HPF1: variants seen among roughly 807,000 people sequenced by gnomAD.
HPF1 encodes the protein histone PARylation factor 1.
HPF1 carries 35 observed loss-of-function variants against 38.8 expected under a neutral mutation model. That is an observed-to-expected ratio of 0.90 (90% CI 0.69 to 1.19). HPF1 has a LOEUF of 1.19. HPF1 is among the 50% of genes most tolerant of loss of function. HPF1 has a pLI of 0.00. For missense variants in HPF1, 367 were observed against 405.8 expected (o/e 0.90, Z 0.82); for synonymous variants, 115 against 139.2 (o/e 0.83, Z 1.22).
In HPF1 at chr4:169,741,987, T is replaced by TA. The variant is rs773699250; in HGVS notation, c.617_618insT (p.Arg206SerfsTer10). The stretch of plus-strand genomic sequence containing the variant: ...TATCTCTCTGTTTCATCTTCACGGT[T>TA]CTCTGTTCAAGCGAGTACCCCAATT... On this transcript the variant is annotated frameshift_variant, in exon 5 of 8. Transcript: ENST00000393381. LOFTEE classifies it high-confidence loss of function. 6.2e-6 allele frequency: 10 copies of TA among 1,613,614 alleles called. No homozygotes were observed. In the South Asian group the frequency reaches 1.1e-4, roughly 18 times the overall value.
chr4:169,731,949 T>C (rs1581311499), intron 6 of HPF1, 73 bp from the exon 7 acceptor site: 1 of 1,290,000 alleles, frequency 7.8e-7, no homozygotes. Context: ...AGTAAGAAGA[T>C]TATAAAGAGG....
At chr4:169,757,015 G>T (rs1013422170) in intron 1 of HPF1, among the ~76,000 whole-genome samples, 1 of 152,204 alleles carries the variant, frequency 6.6e-6, no homozygotes, top group East Asian at 1.9e-4. Context: ...CACCCTGTCC[G>T]ATTTATGACA....
At chr4:169,741,516 T>G (rs569647506) in intron 5 of HPF1, among the ~76,000 whole-genome samples, 2 of 152,288 alleles carry the variant, frequency 1.3e-5, no homozygotes, top group East Asian at 3.9e-4. Flanking sequence ...TCCCCTCATA[T>G]TGCAGACATT....
At chr4:169,746,659 G>T (rs1734051110) in intron 4 of HPF1, among the ~76,000 whole-genome samples, 1 of 151,908 alleles carries the variant, frequency 6.6e-6, no homozygotes, top group South Asian at 2.1e-4. Flanking sequence ...TATTCAGTCT[G>T]CCATAAAAAT....
At chr4:169,746,985 C>CT (rs372582807) in intron 4 of HPF1, among the ~76,000 whole-genome samples, 212 of 48,200 alleles carry the variant, frequency 4.4e-3, no homozygotes, top group African/African-American at 0.012. Context: ...ATTATGTTAT[C>CT]TTTTTTTAAA....
rs1281761364 is a variant in HPF1, at chr4:169,741,365, G to A, written c.648+592C>T. 5.9e-5 allele frequency among the ~76,000 whole-genome samples: 9 copies of A among 152,078 alleles called. No homozygotes were observed. In the East Asian group the frequency reaches 1.7e-3, roughly 29 times the overall value. On this transcript the variant is annotated intron_variant, in intron 5 of 7. Transcript: ENST00000393381. ...TTTTGTTTTTGTTTTTTCCCCAGAG[G>A]CCATAAGAACAAACTCCTATAGAAT...
intron 7 of HPF1, among the ~76,000 whole-genome samples, chr4:169,729,914 A>C (rs1733807777): frequency 6.6e-6 from 1 of 152,298 alleles, no homozygotes; most frequent in Non-Finnish European, 1.5e-5. Context: ...GACTAATGGC[A>C]TATCTTGAAA....
At chr4:169,736,208 G>A (rs960752247) in intron 6 of HPF1, among the ~76,000 whole-genome samples, 21 of 151,598 alleles carry the variant, frequency 1.4e-4, no homozygotes, top group East Asian at 5.8e-4. Flanking sequence ...GTGAGACCCC[G>A]TCTCTACAGG....
rs1260872525 is a variant in HPF1, at chr4:169,750,706, A to G, written c.228T>C (p.Leu76=). 6.2e-7 allele frequency: 1 copy of G among 1,607,978 alleles called. No individual in the cohort carries two copies. The highest frequency in any genetic ancestry group is 1.7e-5 in the Admixed American group (1 of 58,984). The change falls in exon 3 of 8, where the codon CTT becomes CTC. Residue 76 remains leucine (L), a synonymous_variant. Transcript: ENST00000393381. ...EKPSDSLSAS[L]GLQLVGPYDI... Reference sequence around the variant, plus strand: ...CATAAGGACCAACTAATTGAAGTCCAAGGCTTGCAGAAAGTGAATCTATAA... The same window carrying G: ...CATAAGGACCAACTAATTGAAGTCCGAGGCTTGCAGAAAGTGAATCTATAA...
chr4:169,736,779 G>C (rs1424741697), intron 6 of HPF1, among the ~76,000 whole-genome samples: 1 of 152,134 alleles, frequency 6.6e-6, no homozygotes, highest in Admixed American at 6.5e-5. Flanking sequence ...CCCCAGAAGA[G>C]GATGATCAAT....
rs1287956420 is a variant in HPF1 at position 169,731,846 on chromosome 4, AC to A, written c.766del (p.Val256LeufsTer10). 17 of 1,613,596 alleles carry A rather than the reference AC, an allele frequency of 1.1e-5. No homozygotes were observed. The highest frequency in any genetic ancestry group is 5.0e-5 in the Admixed American group (3 of 59,966). On this transcript the variant is annotated frameshift_variant, in exon 7 of 8. Coordinates refer to ENST00000393381, the MANE Select transcript of HPF1 (RefSeq NM_017867.3). LOFTEE classifies it high-confidence loss of function. ...ADLKRICKTI[V>X]EAASDEERLK... is the part of the protein sequence containing the mutation. The stretch of plus-strand genomic sequence containing the variant: ...TCTCTCCTCATCACTTGCAGCCTCA[AC>A]TATTGTCTTGCAAATTCTCTTGAGG...
intron 7 of HPF1, 117 bp from the exon 8 acceptor site, chr4:169,729,826 T>C: frequency 1.4e-6 from 1 of 718,910 alleles, no homozygotes; most frequent in Non-Finnish European, 2.0e-6. Flanking sequence ...TCATTTTAGC[T>C]ACACCCTCAG....
chr4:169,747,495 G>A (rs547550931), intron 4 of HPF1, among the ~76,000 whole-genome samples: 1 of 152,254 alleles, frequency 6.6e-6, no homozygotes, highest in South Asian at 2.1e-4. Context: ...GCCCTTTAAA[G>A]AGACAGTACT....
At chr4:169,751,947 T>C (rs1284367843) in intron 2 of HPF1, among the ~76,000 whole-genome samples, 2 of 152,194 alleles carry the variant, frequency 1.3e-5, no homozygotes, top group East Asian at 3.8e-4. Flanking sequence ...TGTTTTGTAT[T>C]GTAATCTGCT....
intron 6 of HPF1, among the ~76,000 whole-genome samples, chr4:169,733,691 T>C (rs116576354): frequency 0.041 from 6,308 of 152,052 alleles, 355 homozygotes; most frequent in African/African-American, 0.13. Flanking sequence ...AACCCAGGAA[T>C]TGGAGACCAG....
intron 2 of HPF1, among the ~76,000 whole-genome samples, chr4:169,752,153 T>TG: frequency 6.6e-6 from 1 of 151,074 alleles, no homozygotes; most frequent in East Asian, 2.0e-4. Flanking sequence ...AATAAATGTT[T>TG]GTATACAGGC....
chr4:169,753,591 TAC>T, intron 2 of HPF1, 83 bp downstream of exon 2: 1 of 1,161,374 alleles, frequency 8.6e-7, no homozygotes, highest in East Asian at 2.5e-5. Context: ...CAGCTGGGAT[TAC>T]AGAGTGTGAG....
At chr4:169,743,871 C>T (rs1406657680) in intron 4 of HPF1, among the ~76,000 whole-genome samples, 6 of 150,680 alleles carry the variant, frequency 4.0e-5, no homozygotes, top group Non-Finnish European at 8.9e-5. Flanking sequence ...CTTCATTGTA[C>T]TTATCAGGAA....
At chr4:169,756,721 T>C (rs936827977) in intron 1 of HPF1, among the ~76,000 whole-genome samples, 12 of 152,260 alleles carry the variant, frequency 7.9e-5, no homozygotes, top group African/African-American at 2.9e-4. Context: ...TTATAGTCTC[T>C]ACAGACTCAT....
Sources: allele counts gnomAD v4.1 joint callset (sites outside exome capture counted in the v4.1 genomes callset), GRCh38; gene constraint gnomAD v4.1.1; transcripts MANE v1.5; gene names NCBI Gene and HGNC (gene_info 2026-07-23, HGNC 2026-07-21).